The following COL3A1 variants were observed in gnomAD, a reference collection of about 807,000 sequenced individuals.
The protein encoded by COL3A1 is collagen type III alpha 1 chain.
COL3A1 carries 46 observed loss-of-function variants against 200.9 expected under a neutral mutation model. The observed-to-expected ratio is 0.23, with a 90% CI of 0.18 to 0.29. The LOEUF (loss-of-function observed/expected upper bound fraction) is 0.29. Among genes scored for constraint, COL3A1 ranks in the 10% least tolerant of loss-of-function variants. COL3A1 has a pLI of 1.00. For synonymous variants in COL3A1, 650 were observed against 628.0 expected (o/e 1.03, Z -0.52); for missense variants, 1,367 against 1,917.6 (o/e 0.71, Z 5.36).
Position 188,989,460 on chromosome 2 carries a change from A to G in COL3A1, c.690+11A>G, listed in dbSNP as rs748378490. ...CCTGCTGGAAAAGATGTAAGTTTTT[A>G]AAACTTAAATAAGAATACAGCAAAA... On this transcript the variant is annotated intron_variant, in intron 8 of 50. Transcript: ENST00000304636. The G allele has an allele frequency of 6.2e-6, 10 of 1,601,906 alleles. No homozygotes were observed. Among genetic ancestry groups the G allele is most frequent in the Non-Finnish European group, 6.8e-6 (8 of 1,172,634 alleles).
At chr2:188,988,737 A>G in intron 7 of COL3A1, 94 bp downstream of exon 7, 2 of 842,804 alleles carry the variant, frequency 2.4e-6, no homozygotes, top group Non-Finnish European at 3.9e-6. Context: ...TTACAGAATG[A>G]AGATTAAATT....
chr2:189,007,570 G>A lies in COL3A1; in HGVS notation c.3326G>A (p.Arg1109Gln), dbSNP rs730880062. The change falls in exon 45 of 51, where the codon CGA becomes CAA. Residue 1109 changes from arginine (R) to glutamine (Q), a missense_variant. Arg to Gln is a conservative substitution (Grantham distance 43, BLOSUM62 1). Around this residue, in one of 5 missense-constraint regions of COL3A1, gnomAD observed 846 missense variants for 1,147.9 expected, o/e 0.74. Transcript: ENST00000304636. ...GGAGCTGCTGGCATCAAAGGACATC[G>A]AGGATTCCCTGGTAATCCAGGTGCC... ...ERGAAGIKGHRGFPGNPGAPG... is the reference protein window; with the variant it reads ...ERGAAGIKGHQGFPGNPGAPG... 24 of 1,613,592 alleles carry A rather than the reference G, an allele frequency of 1.5e-5. No individual in the cohort carries two copies. The highest frequency in any genetic ancestry group is 2.2e-5 in the South Asian group (2 of 90,930).
chr2:188,988,767 A>G lies in COL3A1; in HGVS notation c.636+124A>G, dbSNP rs538800273. The G allele has an allele frequency of 5.9e-6, 4 of 680,924 alleles. No homozygotes were observed. In the East Asian group the frequency reaches 1.1e-4, roughly 19 times the overall value. The allele number at this position is 680,924 out of a possible 1,614,324, so 42.2% of individuals were successfully genotyped here. The stretch of plus-strand genomic sequence containing the variant: ...TAAATTTACCCTTAAGTTTGTAAAT[A>G]ACGAATAGCATTTTATTGAGTCTTT... On this transcript the variant is annotated intron_variant, in intron 7 of 50. Coordinates refer to ENST00000304636, the MANE Select transcript of COL3A1 (RefSeq NM_000090.4).
At chr2:188,980,396 T>TTGA (rs1559051148) in intron 1 of COL3A1, among the ~76,000 whole-genome samples, 1 of 20,604 alleles carries the variant, frequency 4.9e-5, no homozygotes, top group Non-Finnish European at 1.1e-4. Context: ...AAAAGATTAA[T>TTGA]CTTTTAGACA....
At chr2:188,988,355 A>G (rs1192368970) in intron 6 of COL3A1, among the ~76,000 whole-genome samples, 1 of 152,118 alleles carries the variant, frequency 6.6e-6, no homozygotes, top group Non-Finnish European at 1.5e-5. Context: ...AAACCACATT[A>G]ATTTGCATGT....
chr2:188,986,414 C>A (rs528792986), intron 4 of COL3A1, among the ~76,000 whole-genome samples: 1 of 152,004 alleles, frequency 6.6e-6, no homozygotes, highest in Admixed American at 6.6e-5. Flanking sequence ...AAAAGCAATT[C>A]AACAAGAACC....
intron 43 of COL3A1, 93 bp downstream of exon 43, chr2:189,006,545 A>G: frequency 8.4e-7 from 1 of 1,189,712 alleles, no homozygotes; most frequent in South Asian, 1.3e-5. Flanking sequence ...TCTGCCAACC[A>G]AAATATCCAC....
chr2:188,999,229 G>A, intron 29 of COL3A1, 56 bp from the exon 30 acceptor site: 2 of 1,469,416 alleles, frequency 1.4e-6, no homozygotes, highest in Non-Finnish European at 1.9e-6. Flanking sequence ...AAGTTAAGGT[G>A]CTTTGTTTTT....
intron 44 of COL3A1, 76 bp from the exon 45 acceptor site, chr2:189,007,424 A>T: frequency 8.8e-7 from 1 of 1,135,536 alleles, no homozygotes; most frequent in Non-Finnish European, 1.3e-6. Flanking sequence ...AAATAGATTT[A>T]ATTATTATAA....
In COL3A1 at chr2:188,996,111, C is replaced by T. The variant is rs1243909889; in HGVS notation, c.1609-14C>T. 1.2e-6 allele frequency: 2 copies of T among 1,612,816 alleles called. No individual in the cohort carries two copies. The highest frequency in any genetic ancestry group is 1.7e-5 in the Admixed American group (1 of 59,970). On this transcript the variant is annotated splice_polypyrimidine_tract_variant and intron_variant, in intron 22 of 50. Coordinates refer to ENST00000304636, the MANE Select transcript of COL3A1 (RefSeq NM_000090.4). ...TCATTTTAAATCACCTAACAACTGACTTCTTTACTTCAGGGCATGCCCGGA... is the reference window on the plus strand; with the variant it reads ...TCATTTTAAATCACCTAACAACTGATTTCTTTACTTCAGGGCATGCCCGGA...
At position 189,011,862 on chromosome 2, in the gene COL3A1, C is replaced by A; in HGVS notation, c.*88C>A. On this transcript the variant is annotated 3_prime_UTR_variant, in exon 51 of 51. Coordinates refer to ENST00000304636, the MANE Select transcript of COL3A1 (RefSeq NM_000090.4). ...AATCTTGTCAACCAGTGCAAGTGAC[C>A]GACAAAATTCCAGTTATTTATTTCC... 7.1e-7 allele frequency: 1 copy of A among 1,412,558 alleles called. No individual in the cohort carries two copies. Among genetic ancestry groups the A allele is most frequent in the Non-Finnish European group, 9.9e-7 (1 of 1,006,062 alleles). 87.5% of individuals were successfully genotyped at this position (1,412,558 alleles called of 1,614,324 possible).
At chr2:189,009,929 A>G (rs919185693) in intron 48 of COL3A1, among the ~76,000 whole-genome samples, 1 of 152,202 alleles carries the variant, frequency 6.6e-6, no homozygotes, top group Non-Finnish European at 1.5e-5. Context: ...TACAGCAATC[A>G]AAAGGTCTTA....
At chr2:188,992,502 TG>T (rs1218367894) in intron 14 of COL3A1, among the ~76,000 whole-genome samples, 1 of 152,114 alleles carries the variant, frequency 6.6e-6, no homozygotes, top group Non-Finnish European at 1.5e-5. Context: ...TCATTCTGCT[TG>T]ATCAACTGCT....
chr2:189,002,929 G>T, intron 35 of COL3A1, 26 bp from the exon 36 acceptor site: 2 of 1,461,750 alleles, frequency 1.4e-6, no homozygotes, highest in East Asian at 2.5e-5. Flanking sequence ...TGTCAGCTGA[G>T]AGATTGCTGT....
chr2:188,998,759 T>C (rs1333820357), intron 29 of COL3A1, 41 bp downstream of exon 29: 5 of 1,571,496 alleles, frequency 3.2e-6, no homozygotes, highest in Middle Eastern at 1.7e-4. Context: ...CAGCAGGTTA[T>C]AGAGCAATTG....
In COL3A1 at chr2:189,010,858, T is replaced by C; in HGVS notation, c.4222T>C (p.Phe1408Leu). 6.2e-7 allele frequency: 1 copy of C among 1,614,144 alleles called. No homozygotes were observed. Among genetic ancestry groups the C allele is most frequent in the Non-Finnish European group, 8.5e-7 (1 of 1,179,994 alleles). Residue 1408 changes from phenylalanine (F) to leucine (L), a missense_variant, in exon 50 of 51, where the codon TTC (phenylalanine) becomes CTC (leucine). Coordinates refer to ENST00000304636, the MANE Select transcript of COL3A1 (RefSeq NM_000090.4). ...GEFKAEGNSK[F>L]TYTVLEDGCT... ...ATTCAAGGCTGAAGGAAATAGCAAA[T>C]TCACCTACACAGTTCTGGAGGATGG...
At chr2:189,002,514 G>A (rs562604003) in intron 35 of COL3A1, among the ~76,000 whole-genome samples, 163 bp downstream of exon 35, 22 of 151,992 alleles carry the variant, frequency 1.4e-4, no homozygotes, top group Non-Finnish European at 2.4e-4. Flanking sequence ...CCCTATTGTC[G>A]CTCTTTGAAA....
At chr2:188,984,244 C>T (rs576814036) in intron 1 of COL3A1, among the ~76,000 whole-genome samples, 38 of 152,058 alleles carry the variant, frequency 2.5e-4, no homozygotes, top group East Asian at 1.7e-3. Context: ...TCTGTTAAAA[C>T]TTTCCCAGGA....
chr2:188,981,494 TG>T (rs1687951935), intron 1 of COL3A1, among the ~76,000 whole-genome samples: 1 of 151,554 alleles, frequency 6.6e-6, no homozygotes, highest in Non-Finnish European at 1.5e-5. Flanking sequence ...TGGAAATAAT[TG>T]GAAAGTCCAT....
Sources: gnomAD v4.1 joint callset for allele counts (sites outside exome capture counted in the v4.1 genomes callset) on GRCh38, gnomAD v4.1.1 for gene constraint, gnomAD v4.1.1 regional missense constraint, MANE v1.5 for transcripts, NCBI Gene and HGNC (gene_info 2026-07-23, HGNC 2026-07-21) for gene names.